WDFY4: variants seen among roughly 807,000 people sequenced by gnomAD.
WDFY4 encodes WD repeat- and FYVE domain-containing protein 4.
Under a neutral mutation model 351.9 loss-of-function variants are expected in WDFY4, and 169 were observed. The ratio of observed to expected loss-of-function variants is 0.48; its 90% CI spans 0.42 to 0.55. The LOEUF (loss-of-function observed/expected upper bound fraction) is 0.55, where lower values mean the gene tolerates loss of function less well. WDFY4 is among the 20% of genes least tolerant of loss of function. The pLI is 0.00. For missense variants in WDFY4, 3,803 were observed against 3,935.6 expected, an observed-to-expected ratio of 0.97 and a Z score of 0.90; for synonymous variants, 1,622 against 1,574.6, an observed-to-expected ratio of 1.03 and a Z score of -0.71.
At chr10:48,881,662 C>T (rs939183915) in intron 43 of WDFY4, among the ~76,000 whole-genome samples, 43 of 152,154 alleles carry the variant, frequency 2.8e-4, no homozygotes, top group African/African-American at 9.9e-4. Flanking sequence ...GAAAAATCCT[C>T]GAACCAGAGG....
chr10:48,908,678 A>T (rs1230676071), intron 47 of WDFY4, among the ~76,000 whole-genome samples: 1 of 152,140 alleles, frequency 6.6e-6, no homozygotes, highest in African/African-American at 2.4e-5. Flanking sequence ...TTGCAAAAAT[A>T]GTACAGAGAG....
intron 1 of WDFY4, among the ~76,000 whole-genome samples, chr10:48,698,008 C>T (rs1278903803): frequency 6.6e-6 from 1 of 152,178 alleles, no homozygotes; most frequent in Non-Finnish European, 1.5e-5. Context: ...CACATTTGTT[C>T]TCCTACGGTC....
intron 32 of WDFY4, among the ~76,000 whole-genome samples, chr10:48,818,693 T>C (rs2067705484): frequency 6.6e-6 from 1 of 152,164 alleles, no homozygotes; most frequent in Non-Finnish European, 1.5e-5. Context: ...CAAATAAACT[T>C]TAAAAGTAGT....
At chr10:48,739,569 T>G (rs1375403251) in intron 11 of WDFY4, among the ~76,000 whole-genome samples, 1 of 152,238 alleles carries the variant, frequency 6.6e-6, no homozygotes, top group Non-Finnish European at 1.5e-5. Context: ...TGCTATGAAA[T>G]TAAGCCTTTG....
intron 26 of WDFY4, 129 bp downstream of exon 26, chr10:48,805,550 C>T (rs943239499): frequency 4.6e-6 from 6 of 1,293,662 alleles, no homozygotes; most frequent in Non-Finnish European, 6.2e-6. Flanking sequence ...AATTTTTGCC[C>T]AGGGCTGAGA....
At chr10:48,965,116 T>C in intron 54 of WDFY4, among the ~76,000 whole-genome samples, 1 of 152,176 alleles carries the variant, frequency 6.6e-6, no homozygotes. Flanking sequence ...ATTTAAAAAA[T>C]ATATAATAAT....
chr10:48,818,938 G>A (rs1226961150), intron 32 of WDFY4, among the ~76,000 whole-genome samples: 1 of 152,178 alleles, frequency 6.6e-6, no homozygotes, highest in Non-Finnish European at 1.5e-5. Flanking sequence ...GCTCCCCCTC[G>A]ACACTTCCCT....
intron 13 of WDFY4, among the ~76,000 whole-genome samples, chr10:48,771,074 G>A (rs1393843198): frequency 6.6e-6 from 1 of 152,244 alleles, no homozygotes; most frequent in Non-Finnish European, 1.5e-5. Flanking sequence ...CCATCAGTGT[G>A]AGGCAAGAGC....
intron 51 of WDFY4, among the ~76,000 whole-genome samples, chr10:48,952,817 G>T (rs190544607): frequency 2.6e-4 from 40 of 152,330 alleles, no homozygotes; most frequent in Admixed American, 2.4e-3. Context: ...GAGGCAGCTG[G>T]ACCAGTGCGT....
At chr10:48,784,299 T>C (rs1375828416) in intron 19 of WDFY4, among the ~76,000 whole-genome samples, 4 of 152,198 alleles carry the variant, frequency 2.6e-5, no homozygotes, top group African/African-American at 9.7e-5. Context: ...ATTTGACATT[T>C]CCGCTAACAA....
At chr10:48,847,827 A>C (rs2068827748) in intron 39 of WDFY4, among the ~76,000 whole-genome samples, 2 of 152,216 alleles carry the variant, frequency 1.3e-5, no homozygotes, top group Non-Finnish European at 2.9e-5. Flanking sequence ...TTTAATAAAA[A>C]CATCACAGTT....
At chr10:48,810,976 G>A (rs2067425891) in intron 29 of WDFY4, among the ~76,000 whole-genome samples, 1 of 152,134 alleles carries the variant, frequency 6.6e-6, no homozygotes, top group Non-Finnish European at 1.5e-5. Flanking sequence ...CACCTGCTTA[G>A]CCCTGTTCTC....
intron 5 of WDFY4, among the ~76,000 whole-genome samples, chr10:48,724,922 G>A (rs148033007): frequency 6.6e-6 from 1 of 152,290 alleles, no homozygotes; most frequent in African/African-American, 2.4e-5. Flanking sequence ...GGTATACTGG[G>A]CAATGATGGT....
intron 28 of WDFY4, among the ~76,000 whole-genome samples, 156 bp from the exon 29 acceptor site, chr10:48,810,374 T>C (rs2928403): frequency 0.28 from 42,548 of 152,202 alleles, 9,517 homozygotes; most frequent in African/African-American, 0.63. Flanking sequence ...GCCAGCATTT[T>C]ATTTTACTAT....
At chr10:48,777,526 C>G (rs1382825302) in intron 17 of WDFY4, 31 bp downstream of exon 17, 1 of 1,534,094 alleles carries the variant, frequency 6.5e-7, no homozygotes, top group South Asian at 1.2e-5. Flanking sequence ...GTTTAGCTCT[C>G]CATCCCTTCC....
chr10:48,727,472 A>G lies in WDFY4; in HGVS notation c.784A>G (p.Thr262Ala). Residue 262 changes from threonine (T) to alanine (A), a missense_variant and splice_region_variant, in exon 7 of 62, where the codon ACA becomes GCA. Around this residue, in one of 3 missense-constraint regions of WDFY4, gnomAD observed 488 missense variants for 456.8 expected, o/e 1.07. Coordinates refer to ENST00000325239, the MANE Select transcript of WDFY4 (RefSeq NM_001394531.1). ...NLSIIQYLQA[T>A]DCVRLSLQNL... is the part of the protein sequence containing the mutation. ...TCTCCTGTGCTTCCCTCCTGCAGCC[A>G]CAGACTGTGTCAGGCTCTCCCTCCA... is the stretch of plus-strand genomic sequence containing the variant. 2 of 1,551,612 alleles carry G rather than the reference A, an allele frequency of 1.3e-6. No homozygotes were observed. Among genetic ancestry groups the G allele is most frequent in the Non-Finnish European group, 1.7e-6 (2 of 1,146,932 alleles).
chr10:48,946,839 A>G (rs1279434120), intron 50 of WDFY4, 21 bp from the exon 51 acceptor site: 1 of 1,540,788 alleles, frequency 6.5e-7, no homozygotes. Context: ...AGCAGCCCTC[A>G]AGCATGTGTT....
chr10:48,957,233 GTTC>G lies in WDFY4; in HGVS notation c.8087_8089del (p.Phe2696del). The G allele has an allele frequency of 2.6e-6, 4 of 1,551,724 alleles. No homozygotes were observed. Among genetic ancestry groups the G allele is most frequent in the Non-Finnish European group, 3.5e-6 (4 of 1,146,986 alleles). On this transcript the variant is annotated inframe_deletion, in exon 52 of 62. Transcript: ENST00000325239. The stretch of plus-strand genomic sequence containing the variant: ...GTGACGTCAGGGAGCTGACCCCAGA[GTTC>G]TTCTACCTGCCTGAGTTCTTAACCA...
In WDFY4 at chr10:48,978,408, AGG is replaced by A. The variant is rs1564547090; in HGVS notation, c.9376+17_9376+18del. On this transcript the variant is annotated intron_variant, in intron 60 of 61. Coordinates refer to ENST00000325239, the MANE Select transcript of WDFY4 (RefSeq NM_001394531.1). ...AAGCCCAAGAGGTACCTGACCTGCT[AGG>A]GATGTGGCCGTCCTGGCCTTGCCCT... is the stretch of plus-strand genomic sequence containing the variant. 6.5e-7 allele frequency: 1 copy of A among 1,547,284 alleles called. No individual in the cohort carries two copies. The highest frequency in any genetic ancestry group is 2.4e-5 in the East Asian group (1 of 40,830).
Sources: gnomAD v4.1 joint callset for allele counts (sites outside exome capture counted in the v4.1 genomes callset) on GRCh38, gnomAD v4.1.1 for gene constraint, gnomAD v4.1.1 regional missense constraint, MANE v1.5 for transcripts, NCBI Gene and HGNC (gene_info 2026-07-23, HGNC 2026-07-21) for gene names.